Variants in SERPINB9 observed in about 807,000 individuals in gnomAD.
SERPINB9 encodes serpin family B member 9.
In SERPINB9, 20 loss-of-function variants were observed where a neutral mutation model predicts 27.2. The observed-to-expected ratio is 0.74, with a 90% CI of 0.52 to 1.07. SERPINB9 has a LOEUF of 1.07. Ranked by LOEUF, SERPINB9 falls within the 50% of genes least tolerant of loss-of-function variation. The probability of loss-of-function intolerance (pLI) is 0.00; values close to 1 mark genes in which losing one functional copy is unlikely to be tolerated. For synonymous variants in SERPINB9, 189 were observed against 180.0 expected, an observed-to-expected ratio of 1.05 and a Z score of -0.40; for missense variants, 476 against 460.1, an observed-to-expected ratio of 1.03 and a Z score of -0.32.
chr6:2,900,709 CTT>C, intron 1 of SERPINB9, 88 bp from the exon 2 acceptor site: 5 of 1,184,464 alleles, frequency 4.2e-6, no homozygotes, highest in Non-Finnish European at 5.9e-6. Context: ...TGGAATCGTA[CTT>C]TTTGTTTTCT....
At chr6:2,901,624 C>T (rs906001358) in intron 1 of SERPINB9, among the ~76,000 whole-genome samples, 1 of 152,050 alleles carries the variant, frequency 6.6e-6, no homozygotes, top group South Asian at 2.1e-4. Context: ...CAAATGAACC[C>T]CCACCCCCAG....
Position 2,891,997 on chromosome 6 carries a change from A to G in SERPINB9, c.568-9T>C, listed in dbSNP as rs565478932. On this transcript the variant is annotated splice_polypyrimidine_tract_variant and intron_variant, in intron 5 of 6. Transcript: ENST00000380698. The surrounding 1 kb of genome is among the most constrained non-coding windows in gnomAD (Gnocchi z 4.0). Reference sequence around the variant, plus strand: ...ACTGGCCTTTGCTCCTCCTGGGGGAAGGATTATTGAAAGACGCAATTAAAA... The same window carrying G: ...ACTGGCCTTTGCTCCTCCTGGGGGAGGGATTATTGAAAGACGCAATTAAAA... The G allele has an allele frequency of 6.2e-7, 1 of 1,605,648 alleles. No individual in the cohort carries two copies. Among genetic ancestry groups the G allele is most frequent in the South Asian group, 1.1e-5 (1 of 90,838 alleles).
Position 2,891,883 on chromosome 6 carries a change from C to T in SERPINB9, c.673G>A (p.Glu225Lys). 3 of 1,612,170 alleles carry T rather than the reference C, an allele frequency of 1.9e-6. No individual in the cohort carries two copies. Among genetic ancestry groups the T allele is most frequent in the Non-Finnish European group, 2.5e-6 (3 of 1,179,830 alleles). Residue 225 changes from glutamate to lysine, a missense_variant, in exon 6 of 7, where the codon GAG becomes AAG. Glu to Lys is a moderately conservative substitution (Grantham distance 56, BLOSUM62 1). Coordinates refer to ENST00000380698, the MANE Select transcript of SERPINB9 (RefSeq NM_004155.6). The surrounding 1 kb of genome is among the most constrained non-coding windows in gnomAD (Gnocchi z 4.0). ...GGCAGCAGCACCAGCAGGCTCAGCT[C>T]CTTCCTGGCGTAGGGCAGCTCCAGC... ...QLLELPYARK[E>K]LSLLVLLPDD...
chr6:2,898,729 G>A (rs1204197732), intron 2 of SERPINB9, among the ~76,000 whole-genome samples: 3 of 151,868 alleles, frequency 2.0e-5, no homozygotes, highest in African/African-American at 7.3e-5. Flanking sequence ...TGGAAGAATG[G>A]TGTGAACTCG....
chr6:2,898,586 G>A (rs1267764647), intron 2 of SERPINB9, among the ~76,000 whole-genome samples: 2 of 152,270 alleles, frequency 1.3e-5, no homozygotes, highest in Non-Finnish European at 2.9e-5. Flanking sequence ...GGGAGGCCAA[G>A]GCGGGTGGAT....
rs374613334 is a variant in SERPINB9 at position 2,900,531 on chromosome 6, G to T, written c.81C>A (p.Asn27Lys). 1 of 1,614,132 alleles carries T rather than the reference G, an allele frequency of 6.2e-7. No individual in the cohort carries two copies. The highest frequency in any genetic ancestry group is 8.5e-7 in the Non-Finnish European group (1 of 1,180,020). ...KILCQDNPSHNVFCSPVSISS... is the reference protein window; with the variant it reads ...KILCQDNPSHKVFCSPVSISS... ...AGATGCTCACAGGAGAACAGAACAC[G>T]TTGTGCGAAGGGTTATCTTGACACA... The change falls in exon 2 of 7, where the codon AAC becomes AAA. Residue 27 changes from asparagine to lysine, a missense_variant. By Grantham distance (94) the Asn-to-Lys change is moderately conservative. Coordinates refer to ENST00000380698, the MANE Select transcript of SERPINB9 (RefSeq NM_004155.6).
At chr6:2,892,782 A>G (rs1309842934) in intron 5 of SERPINB9, among the ~76,000 whole-genome samples, 6 of 152,120 alleles carry the variant, frequency 3.9e-5, no homozygotes, top group Non-Finnish European at 8.8e-5. Context: ...TTACATTAAA[A>G]TAGTATCTTT....
At chr6:2,898,758 A>T (rs369517276) in intron 2 of SERPINB9, among the ~76,000 whole-genome samples, 2 of 151,720 alleles carry the variant, frequency 1.3e-5, no homozygotes, top group Non-Finnish European at 2.9e-5. Flanking sequence ...AGCTTGCAGT[A>T]AGCTGAGATC....
In SERPINB9 at chr6:2,900,593, C is replaced by G. The variant is rs955647087; in HGVS notation, c.19G>C (p.Ala7Pro). 3 of 1,613,890 alleles carry G rather than the reference C, an allele frequency of 1.9e-6. No homozygotes were observed. Among genetic ancestry groups the G allele is most frequent in the Admixed American group, 1.7e-5 (1 of 59,990 alleles). The change falls in exon 2 of 7, where the codon GCA becomes CCA. Residue 7 changes from alanine to proline, a missense_variant. Physicochemically the swap from Ala to Pro is conservative, Grantham distance 27. Transcript: ENST00000380698. ...AGGCGTATGGCAAAAGTACCACTTG[C>G]ATTAGAAAGAGTTTCCATGATGCAG... METLSN[A>P]SGTFAIRLLK...
rs12192148 is a variant in SERPINB9 at position 2,903,278 on chromosome 6, C to G, written c.-88G>C. 0.14 allele frequency: 22,033 copies of G among 152,258 alleles called. 1,929 individuals carry two copies. Among genetic ancestry groups the G allele is most frequent in the African/African-American group, 0.22 (9,154 of 41,558 alleles). 9.4% of individuals were successfully genotyped at this position (152,258 alleles called of 1,614,324 possible). The stretch of plus-strand genomic sequence containing the variant: ...ACGCCGACCCCCGAGGCGCAGGACC[C>G]GGCCCTGCTGCTGCGCTCGCCGCGG... On this transcript the variant is annotated 5_prime_UTR_variant, in exon 1 of 7. Coordinates refer to ENST00000380698, the MANE Select transcript of SERPINB9 (RefSeq NM_004155.6). This position sits in a 1 kb window ranked among gnomAD's most constrained non-coding sequence, Gnocchi z 5.2.
At chr6:2,893,632 G>T (rs1767900373) in intron 4 of SERPINB9, 79 bp from the exon 5 acceptor site, 2 of 1,294,598 alleles carry the variant, frequency 1.5e-6, no homozygotes, top group African/African-American at 1.5e-5. Context: ...ATCATTAGTT[G>T]AGAAGCAAAC....
intron 1 of SERPINB9, among the ~76,000 whole-genome samples, chr6:2,901,117 T>G (rs1240023965): frequency 2.0e-5 from 3 of 152,204 alleles, no homozygotes; most frequent in Non-Finnish European, 4.4e-5. Flanking sequence ...AGATGCTGAA[T>G]CTGACCCAGA....
intron 4 of SERPINB9, among the ~76,000 whole-genome samples, chr6:2,895,092 G>A (rs1446787957): frequency 1.3e-5 from 2 of 152,178 alleles, no homozygotes; most frequent in Non-Finnish European, 2.9e-5. Flanking sequence ...TCTGGTCCTG[G>A]GAGAATAGAC....
chr6:2,900,885 T>TCTCTCACACACACACA (rs61100591), intron 1 of SERPINB9, among the ~76,000 whole-genome samples: 1,627 of 141,558 alleles, frequency 0.011, 66 homozygotes, highest in East Asian at 0.1. Flanking sequence ...GCTCGCTCTC[T>TCTCTCACACACACACA]CACACACACA....
chr6:2,901,714 TC>T (rs1418005524), intron 1 of SERPINB9, among the ~76,000 whole-genome samples: 2 of 151,552 alleles, frequency 1.3e-5, no homozygotes, highest in African/African-American at 4.9e-5. Flanking sequence ...CTCCTTTCCA[TC>T]TCCCCCTCCT....
rs1352940870 is a variant in SERPINB9, at chr6:2,891,928, C to G, written c.628G>C (p.Gly210Arg). Residue 210 changes from glycine to arginine, a missense_variant, in exon 6 of 7, where the codon GGC becomes CGC. Coordinates refer to ENST00000380698, the MANE Select transcript of SERPINB9 (RefSeq NM_004155.6). The surrounding 1 kb of genome is among the most constrained non-coding windows in gnomAD (Gnocchi z 4.0). ...QEATFKLAHV[G>R]EVRAQLLELP... is the part of the protein sequence containing the mutation. ...TCCAGCAGCTGCGCGCGCACCTCGCCCACGTGGGCGAGCTTAAACGTGGCC... is the reference window on the plus strand; with the variant it reads ...TCCAGCAGCTGCGCGCGCACCTCGCGCACGTGGGCGAGCTTAAACGTGGCC... 5.6e-6 allele frequency: 9 copies of G among 1,613,368 alleles called. No homozygotes were observed. In the South Asian group the frequency reaches 8.8e-5, roughly 16 times the overall value.
Position 2,889,383 on chromosome 6 carries a change from A to C in SERPINB9, c.*780T>G, listed in dbSNP as rs1304386796. The C allele has an allele frequency of 3.9e-5, 6 of 152,212 alleles. No homozygotes were observed. The highest frequency in any genetic ancestry group is 7.2e-5 in the African/African-American group (3 of 41,434). 9.4% of individuals were successfully genotyped at this position (152,212 alleles called of 1,614,324 possible). A position where few individuals can be genotyped will look rare whatever the true frequency, so the allele number is the denominator to read the frequency against. On this transcript the variant is annotated 3_prime_UTR_variant, in exon 7 of 7. Transcript: ENST00000380698. Reference sequence around the variant, plus strand: ...TTGGTGCATGCTTGGTGATTGGTAAATGTCAAAGAAAAAGATAAAAGATAA... The same window carrying C: ...TTGGTGCATGCTTGGTGATTGGTAACTGTCAAAGAAAAAGATAAAAGATAA...
At position 2,888,529 on chromosome 6, in the gene SERPINB9, A is replaced by G. The variant is rs1396400160; in HGVS notation, c.*1634T>C. 2.6e-5 allele frequency: 4 copies of G among 152,244 alleles called. No homozygotes were observed. Among genetic ancestry groups the G allele is most frequent in the Non-Finnish European group, 5.9e-5 (4 of 68,040 alleles). The allele number at this position is 152,244 out of a possible 1,614,324, so 9.4% of individuals were successfully genotyped here. A position where few individuals can be genotyped will look rare whatever the true frequency, so the allele number is the denominator to read the frequency against. On this transcript the variant is annotated 3_prime_UTR_variant, in exon 7 of 7. Coordinates refer to ENST00000380698, the MANE Select transcript of SERPINB9 (RefSeq NM_004155.6). ...TAAAAATGAAGTGTTGATACATGCTACTATGTAAATAAATCTCAAAAACTT... is the reference window on the plus strand; with the variant it reads ...TAAAAATGAAGTGTTGATACATGCTGCTATGTAAATAAATCTCAAAAACTT...
intron 1 of SERPINB9, among the ~76,000 whole-genome samples, chr6:2,901,986 C>T (rs776672889): frequency 2.6e-5 from 4 of 152,172 alleles, no homozygotes; most frequent in Non-Finnish European, 5.9e-5. Context: ...TCTTAATCCT[C>T]TTGTCCTTCC....
Sources: allele counts gnomAD v4.1 joint callset (sites outside exome capture counted in the v4.1 genomes callset), GRCh38; gene constraint gnomAD v4.1.1; non-coding constraint Gnocchi (gnomAD v3.1); transcripts MANE v1.5; gene names NCBI Gene and HGNC (gene_info 2026-07-23, HGNC 2026-07-21).